SYTL2: variants seen among roughly 807,000 people sequenced by gnomAD.
SYTL2 encodes the protein synaptotagmin like 2, also known as synaptotagmin-like protein 2.
SYTL2 carries 165 observed loss-of-function variants against 198.7 expected under a neutral mutation model. The observed-to-expected ratio is 0.83, with a 90% CI of 0.73 to 0.94. The LOEUF (loss-of-function observed/expected upper bound fraction) is 0.94, where lower values mean the gene tolerates loss of function less well. Ranked by LOEUF, SYTL2 falls within the 40% of genes least tolerant of loss-of-function variation. The pLI is 0.00. For synonymous variants in SYTL2, 966 were observed against 917.7 expected (o/e 1.05, Z -0.95); for missense variants, 2,835 against 2,582.8 (o/e 1.10, Z -2.12).
intron 1 of SYTL2, among the ~76,000 whole-genome samples, chr11:85,770,728 C>T (rs970695056): frequency 6.6e-6 from 1 of 152,178 alleles, no homozygotes. Flanking sequence ...TTTCCTATCA[C>T]TCAAGTCCCA....
At chr11:85,817,701 C>T in the SYTL2 span, among the ~76,000 whole-genome samples, 101 of 152,236 alleles carry the variant, frequency 6.6e-4, no homozygotes, top group East Asian at 0.017. Flanking sequence ...CACCTCCTTC[C>T]TACCACGGTG....
At chr11:85,771,455 T>C (rs1177518972) in intron 1 of SYTL2, among the ~76,000 whole-genome samples, 1 of 152,256 alleles carries the variant, frequency 6.6e-6, no homozygotes, top group Non-Finnish European at 1.5e-5. Flanking sequence ...GTTAGTTTAA[T>C]GTCACTGAGT....
At chr11:85,816,850 G>T in the SYTL2 span, among the ~76,000 whole-genome samples, 1 of 146,264 alleles carries the variant, frequency 6.8e-6, no homozygotes, top group Admixed American at 6.9e-5. Flanking sequence ...GGAGGTCAAG[G>T]CTACAGTGAG....
intron 3 of SYTL2, among the ~76,000 whole-genome samples, chr11:85,747,163 A>C (rs17148398): frequency 0.035 from 5,259 of 152,268 alleles, 305 homozygotes; most frequent in African/African-American, 0.12. Context: ...AGCCCTCAAA[A>C]GATTGCCTTT....
At chr11:85,733,274 A>T (rs1045072643) in intron 7 of SYTL2, among the ~76,000 whole-genome samples, 1 of 152,236 alleles carries the variant, frequency 6.6e-6, no homozygotes, top group Non-Finnish European at 1.5e-5. Context: ...TAATACATTT[A>T]CCCTGTACAA....
intron 9 of SYTL2, 93 bp downstream of exon 9, chr11:85,720,765 G>A: frequency 1.1e-6 from 1 of 878,806 alleles, no homozygotes; most frequent in Non-Finnish European, 1.9e-6. Context: ...AGAGGGTGCA[G>A]TGCACAACAG....
At chr11:85,702,721 A>G (rs1333109940) in intron 16 of SYTL2, among the ~76,000 whole-genome samples, 1 of 152,144 alleles carries the variant, frequency 6.6e-6, no homozygotes, top group African/African-American at 2.4e-5. Context: ...AATCCTCCCC[A>G]ATTATTCCTA....
chr11:85,724,915 T>A lies in SYTL2; in HGVS notation c.4443A>T (p.Glu1481Asp). The A allele has an allele frequency of 1.2e-6, 2 of 1,614,184 alleles. No homozygotes were observed. Among genetic ancestry groups the A allele is most frequent in the East Asian group, 2.2e-5 (1 of 44,890 alleles). Reference sequence around the variant, plus strand: ...GTTGAACAATTGTTTCCCTCACAATTTCTTCCACTTCCTGAGGGAGGCCTT... The same window carrying A: ...GTTGAACAATTGTTTCCCTCACAATATCTTCCACTTCCTGAGGGAGGCCTT... ...YGKGLPQEVE[E>D]IVRETIVQPK... Residue 1481 changes from glutamate to aspartate, a missense_variant, in exon 8 of 20, where the codon GAA (glutamate) becomes GAT (aspartate). Coordinates refer to ENST00000359152, the MANE Select transcript of SYTL2 (RefSeq NM_206927.4).
intron 17 of SYTL2, among the ~76,000 whole-genome samples, chr11:85,698,844 T>C (rs115454910): frequency 0.011 from 1,677 of 152,160 alleles, 14 homozygotes; most frequent in African/African-American, 0.037. Context: ...CAGTCAAGAG[T>C]GGTTAAACAT....
At chr11:85,809,934 C>G (rs2093008307) in intron 1 of SYTL2, among the ~76,000 whole-genome samples, 1 of 152,234 alleles carries the variant, frequency 6.6e-6, no homozygotes, top group Admixed American at 6.5e-5. Context: ...GCCAAGTCCT[C>G]AGCTCCTTTC....
intron 1 of SYTL2, among the ~76,000 whole-genome samples, chr11:85,795,651 T>C (rs1026103264): frequency 6.6e-6 from 1 of 152,196 alleles, no homozygotes; most frequent in Admixed American, 6.5e-5. Context: ...TAAAAGCCAC[T>C]CCAAACCATC....
the SYTL2 span, among the ~76,000 whole-genome samples, chr11:85,847,106 T>C: frequency 6.6e-6 from 1 of 152,202 alleles, no homozygotes. Flanking sequence ...ATTTTAAATA[T>C]ATAGTTCAAT....
At chr11:85,733,720 C>T (rs2153486621) in intron 7 of SYTL2, 1 of 422,388 alleles carries the variant, frequency 2.4e-6, no homozygotes, top group East Asian at 4.4e-5. Flanking sequence ...CTGCCTCAGC[C>T]TCCCGAGTAG....
intron 1 of SYTL2, among the ~76,000 whole-genome samples, chr11:85,797,832 A>C (rs1198004553): frequency 2.6e-5 from 4 of 151,254 alleles, no homozygotes; most frequent in African/African-American, 9.7e-5. Context: ...TCAAGACCAC[A>C]AAGTTTTTGT....
the SYTL2 span, among the ~76,000 whole-genome samples, chr11:85,847,386 CT>C: frequency 5.2e-4 from 77 of 149,036 alleles, no homozygotes; most frequent in African/African-American, 1.7e-3. Flanking sequence ...TCCCCCCACC[CT>C]TTTTTTTTTC....
intron 1 of SYTL2, among the ~76,000 whole-genome samples, chr11:85,782,835 C>G (rs371307323): frequency 2.0e-5 from 3 of 152,246 alleles, no homozygotes; most frequent in Admixed American, 2.0e-4. Context: ...CAGTTCCCAA[C>G]AAGTTCTTCA....
chr11:85,817,007 TTTTA>T, the SYTL2 span, among the ~76,000 whole-genome samples: 12 of 152,014 alleles, frequency 7.9e-5, no homozygotes, highest in Non-Finnish European at 1.2e-4. Context: ...ACCTTTTTAG[TTTTA>T]TTTATTTAAT....
chr11:85,801,183 C>T (rs2092881538), intron 1 of SYTL2, among the ~76,000 whole-genome samples: 1 of 152,154 alleles, frequency 6.6e-6, no homozygotes, highest in South Asian at 2.1e-4. Flanking sequence ...GCATGCTAAG[C>T]ACAAGAAATT....
At chr11:85,783,515 T>C (rs115883352) in intron 1 of SYTL2, among the ~76,000 whole-genome samples, 377 of 152,320 alleles carry the variant, frequency 2.5e-3, no homozygotes, top group African/African-American at 8.2e-3. Flanking sequence ...TTGTTCTTGA[T>C]GGTATATAGC....
Sources: gnomAD v4.1 joint callset for allele counts (sites outside exome capture counted in the v4.1 genomes callset) on GRCh38, gnomAD v4.1.1 for gene constraint, MANE v1.5 for transcripts, NCBI Gene and HGNC (gene_info 2026-07-23, HGNC 2026-07-21) for gene names.